The following PRKD1 variants were observed in gnomAD, a reference collection of about 807,000 sequenced individuals.
PRKD1 encodes the protein serine/threonine-protein kinase D1.
PRKD1 carries 63 observed loss-of-function variants against 95.9 expected under a neutral mutation model. The observed-to-expected ratio is 0.66, with a 90% CI of 0.54 to 0.81. The LOEUF (loss-of-function observed/expected upper bound fraction) is 0.81. Among genes scored for constraint, PRKD1 ranks in the 30% least tolerant of loss-of-function variants. The pLI is 0.00. For missense variants in PRKD1, 1,048 were observed against 1,165.3 expected, an observed-to-expected ratio of 0.90 and a Z score of 1.47; for synonymous variants, 425 against 423.1, an observed-to-expected ratio of 1.00 and a Z score of -0.05.
rs1394858631 is a variant in PRKD1, at chr14:29,675,984, TG to T, written c.404-9777del. On this transcript the variant is annotated intron_variant, in intron 2 of 17. Coordinates refer to ENST00000331968, the MANE Select transcript of PRKD1 (RefSeq NM_002742.3). ...TCACACATCGGGGCCTGTCGTGGGG[TG>T]GGGGGTGGGGGGAGGGATAACATTA... Among the ~76,000 whole-genome samples the T allele has an allele frequency of 7.6e-5, 3 of 39,602 alleles. 1 individual carries two copies. The highest frequency in any genetic ancestry group is 1.3e-4 in the Non-Finnish European group (3 of 22,382). The allele number at this position is 39,602 out of a possible 152,430, so 26.0% of individuals were successfully genotyped here. A position where few individuals can be genotyped will look rare whatever the true frequency, so the allele number is the denominator to read the frequency against.
At chr14:29,775,351 C>T (rs377441674) in intron 1 of PRKD1, among the ~76,000 whole-genome samples, 2 of 152,152 alleles carry the variant, frequency 1.3e-5, no homozygotes, top group Non-Finnish European at 2.9e-5. Context: ...GGCGAGGCAT[C>T]GCCTCACCCG....
chr14:29,744,972 C>G (rs527362231), intron 1 of PRKD1, among the ~76,000 whole-genome samples: 4 of 152,302 alleles, frequency 2.6e-5, no homozygotes, highest in African/African-American at 9.6e-5. Flanking sequence ...GCCACCTCAT[C>G]TTCTTCTACC....
In PRKD1 at chr14:29,599,088, A is replaced by G; in HGVS notation, c.2105T>C (p.Ile702Thr). 2 of 1,613,834 alleles carry G rather than the reference A, an allele frequency of 1.2e-6. No homozygotes were observed. Among genetic ancestry groups the G allele is most frequent in the Non-Finnish European group, 1.7e-6 (2 of 1,179,788 alleles). Residue 702 changes from isoleucine to threonine, a missense_variant, in exon 15 of 18, where the codon ATC (isoleucine) becomes ACC (threonine). Ile to Thr is a moderately conservative substitution (Grantham distance 89). This residue lies in a region of PRKD1 where 739 missense variants were observed against 861.9 expected (regional missense o/e 0.86). Coordinates refer to ENST00000331968, the MANE Select transcript of PRKD1 (RefSeq NM_002742.3). ...VALRHLHFKNIVHCDLKPENV... is the reference protein window; with the variant it reads ...VALRHLHFKNTVHCDLKPENV... ...TTCTGGTTTGAGGTCACAGTGAACG[A>G]TATTTTTAAAATGAAGGTGCCGCAA... is the stretch of plus-strand genomic sequence containing the variant.
intron 2 of PRKD1, among the ~76,000 whole-genome samples, chr14:29,694,978 A>G (rs1884430051): frequency 6.6e-6 from 1 of 152,194 alleles, no homozygotes; most frequent in Non-Finnish European, 1.5e-5. Context: ...CACACCTGTA[A>G]TCTCAGCACT....
At chr14:29,918,237 T>C (rs1395008161) in intron 1 of PRKD1, among the ~76,000 whole-genome samples, 1 of 152,106 alleles carries the variant, frequency 6.6e-6, no homozygotes, top group Non-Finnish European at 1.5e-5. Flanking sequence ...TTTTTATTAG[T>C]AAATTATACC....
At position 29,636,348 on chromosome 14, in the gene PRKD1, C is replaced by G; in HGVS notation, c.1132G>C (p.Asp378His). The G allele has an allele frequency of 6.2e-7, 1 of 1,614,204 alleles. No homozygotes were observed. The highest frequency in any genetic ancestry group is 8.5e-7 in the Non-Finnish European group (1 of 1,180,036). ...TCTGGATCTTGCATCTCGCCACTGT[C>G]GTTCTGGCACTCTGCCATTGCCATC... is the stretch of plus-strand genomic sequence containing the variant. ...AEMAMAECQN[D>H]SGEMQDPDPD... The change falls in exon 7 of 18, where the codon GAC (aspartate) becomes CAC (histidine). Residue 378 changes from aspartate to histidine, a missense_variant. Asp to His is a moderately conservative substitution (Grantham distance 81). This residue lies in a region of PRKD1 where 739 missense variants were observed against 861.9 expected (regional missense o/e 0.86). Transcript: ENST00000331968.
At chr14:29,659,978 A>G (rs1049165192) in intron 4 of PRKD1, among the ~76,000 whole-genome samples, 30 of 152,160 alleles carry the variant, frequency 2.0e-4, no homozygotes, top group Admixed American at 1.6e-3. Context: ...TTCCTTTGTC[A>G]TCAGTGATTT....
At chr14:29,771,587 T>C (rs1037293600) in intron 1 of PRKD1, among the ~76,000 whole-genome samples, 6 of 152,198 alleles carry the variant, frequency 3.9e-5, no homozygotes, top group East Asian at 1.9e-4. Context: ...TCGGACAGCA[T>C]TGAGGCCCAG....
chr14:29,707,073 G>A (rs112501334), intron 2 of PRKD1, among the ~76,000 whole-genome samples: 71 of 152,086 alleles, frequency 4.7e-4, no homozygotes, highest in Non-Finnish European at 9.4e-4. Context: ...TACTAGAATC[G>A]GGTAGAGTAG....
At chr14:29,628,606 A>C (rs948620475) in intron 11 of PRKD1, among the ~76,000 whole-genome samples, 1 of 152,200 alleles carries the variant, frequency 6.6e-6, no homozygotes, top group Admixed American at 6.5e-5. Context: ...AGTGACTATA[A>C]GAGCATTTGC....
chr14:29,753,605 A>G lies in PRKD1; in HGVS notation c.265-27931T>C, dbSNP rs186277386. 4.7e-4 allele frequency among the ~76,000 whole-genome samples: 71 copies of G among 152,052 alleles called. No individual in the cohort carries two copies. In the East Asian group the frequency reaches 0.013, roughly 27 times the overall value. Reference sequence around the variant, plus strand: ...TTATTTTTCTCCTTTATTTCTACATATCCTTTCTCCTCCCCAGCCCAGAGC... The same window carrying G: ...TTATTTTTCTCCTTTATTTCTACATGTCCTTTCTCCTCCCCAGCCCAGAGC... On this transcript the variant is annotated intron_variant, in intron 1 of 17. Transcript: ENST00000331968.
rs1888933862 is a variant in PRKD1, at chr14:29,779,424, G to A, written c.265-53750C>T. Among the ~76,000 whole-genome samples, 3 of 152,134 alleles carry A rather than the reference G, an allele frequency of 2.0e-5. No individual in the cohort carries two copies. The South Asian group carries it at 6.2e-4, about 32-fold the overall frequency. On this transcript the variant is annotated intron_variant, in intron 1 of 17. Transcript: ENST00000331968. The stretch of plus-strand genomic sequence containing the variant: ...GCCCCAAATCTCCTTAAGCTGATAA[G>A]CAACTTCAGCAAAGTCTCAGGATAC...
chr14:29,710,392 G>A (rs1412251642), intron 2 of PRKD1, among the ~76,000 whole-genome samples: 5 of 152,146 alleles, frequency 3.3e-5, no homozygotes, highest in Non-Finnish European at 5.9e-5. Flanking sequence ...GACGTGATAA[G>A]AAAGCTACTT....
intron 11 of PRKD1, 41 bp from the exon 12 acceptor site, chr14:29,626,597 A>G (rs752750497): frequency 3.8e-6 from 5 of 1,327,490 alleles, no homozygotes; most frequent in African/African-American, 1.5e-5. Context: ...ATGAAGCAGA[A>G]CAAAACATTA....
chr14:29,663,800 C>T lies in PRKD1; in HGVS notation c.595G>A (p.Val199Met), dbSNP rs1882327471. The change falls in exon 4 of 18, where the codon GTG becomes ATG. Residue 199 changes from valine to methionine, a missense_variant. Val to Met is a conservative substitution (Grantham distance 21). Around this residue, in one of 3 missense-constraint regions of PRKD1, gnomAD observed 275 missense variants for 248.6 expected, o/e 1.11. Transcript: ENST00000331968. ...ACGTTTGAGAGCCTTCTCCGCCTCA[C>T]ACCGCTGCAATTGTTGGGTATTTTA... ...AFKIPNNCSG[V>M]RRRRLSNVSL... 2.5e-6 allele frequency: 4 copies of T among 1,614,058 alleles called. No homozygotes were observed. The highest frequency in any genetic ancestry group is 2.2e-5 in the East Asian group (1 of 44,878).
At chr14:29,751,172 A>T (rs1052966811) in intron 1 of PRKD1, 1 of 152,180 alleles carries the variant, frequency 6.6e-6, no homozygotes, top group Non-Finnish European at 1.5e-5. Flanking sequence ...TCAACTTTTG[A>T]TCAATTATAG....
At chr14:29,605,305 C>T (rs890928091) in intron 13 of PRKD1, among the ~76,000 whole-genome samples, 1 of 152,194 alleles carries the variant, frequency 6.6e-6, no homozygotes, top group African/African-American at 2.4e-5. Context: ...CTACCCTTAG[C>T]AAGGCATACA....
intron 1 of PRKD1, among the ~76,000 whole-genome samples, chr14:29,886,855 A>G (rs956113594): frequency 9.2e-5 from 14 of 152,244 alleles, no homozygotes; most frequent in Admixed American, 6.5e-4. Flanking sequence ...AACTTATCAC[A>G]GCATTATCAT....
chr14:29,811,590 C>G (rs1272062300), intron 1 of PRKD1, among the ~76,000 whole-genome samples: 2 of 152,210 alleles, frequency 1.3e-5, no homozygotes, highest in African/African-American at 4.8e-5. Context: ...ACCTGTGGGG[C>G]TCCTGCGTCA....
Sources: allele counts gnomAD v4.1 joint callset (sites outside exome capture counted in the v4.1 genomes callset), GRCh38; gene constraint gnomAD v4.1.1; regional missense constraint gnomAD v4.1.1; transcripts MANE v1.5; gene names NCBI Gene and HGNC (gene_info 2026-07-23, HGNC 2026-07-21).